FREM3: variants seen among roughly 807,000 people sequenced by gnomAD.
FREM3 encodes the protein FRAS1-related extracellular matrix protein 3.
Under a neutral mutation model 129.1 loss-of-function variants are expected in FREM3, and 105 were observed. That is an observed-to-expected ratio of 0.81 (90% CI 0.69 to 0.96). The LOEUF is 0.96. Ranked by LOEUF, FREM3 falls within the 40% of genes least tolerant of loss-of-function variation. The pLI, the probability that FREM3 is intolerant of heterozygous loss-of-function variation, is 0.00. For synonymous variants in FREM3, 1,014 were observed against 1,044.9 expected (o/e 0.97, Z 0.57); for missense variants, 2,593 against 2,666.3 (o/e 0.97, Z 0.61).
intron 2 of FREM3, among the ~76,000 whole-genome samples, chr4:143,650,244 T>C (rs1560857595): frequency 6.6e-6 from 1 of 152,202 alleles, no homozygotes. Flanking sequence ...AGCCATGTTG[T>C]TTTGCCTGAA....
chr4:143,618,923 C>A (rs531340039), intron 5 of FREM3, among the ~76,000 whole-genome samples: 2 of 152,152 alleles, frequency 1.3e-5, no homozygotes, highest in South Asian at 4.2e-4. Flanking sequence ...TACCAAGAAA[C>A]CAACAACAAA....
At chr4:143,601,963 A>G (rs563599161) in intron 6 of FREM3, 11 of 149,246 alleles carry the variant, frequency 7.4e-5, no homozygotes, top group African/African-American at 1.7e-4. Context: ...CTCCATCTGG[A>G]AAAAAAAAAG....
At chr4:143,661,116 C>T (rs1362491794) in intron 2 of FREM3, among the ~76,000 whole-genome samples, 1 of 152,176 alleles carries the variant, frequency 6.6e-6, no homozygotes, top group Admixed American at 6.5e-5. Flanking sequence ...ATTTCCAACA[C>T]TATGTTGAAT....
chr4:143,599,343 A>G (rs780253944), intron 6 of FREM3, among the ~76,000 whole-genome samples: 1 of 152,184 alleles, frequency 6.6e-6, no homozygotes, highest in Non-Finnish European at 1.5e-5. Context: ...GAATCTGGAA[A>G]TAATAGGCTT....
chr4:143,635,572 A>G (rs1370332353), intron 2 of FREM3, among the ~76,000 whole-genome samples: 2 of 152,186 alleles, frequency 1.3e-5, no homozygotes, highest in South Asian at 2.1e-4. Flanking sequence ...ATCTTCGGAC[A>G]TTGCCAAATG....
At chr4:143,616,562 G>A (rs2149840267) in intron 5 of FREM3, among the ~76,000 whole-genome samples, 1 of 152,186 alleles carries the variant, frequency 6.6e-6, no homozygotes, top group African/African-American at 2.4e-5. Context: ...CGAGGCGGAC[G>A]GATCACGAGG....
chr4:143,660,985 T>A (rs371643003), intron 2 of FREM3, among the ~76,000 whole-genome samples: 1 of 151,888 alleles, frequency 6.6e-6, no homozygotes, highest in Non-Finnish European at 1.5e-5. Context: ...AGATTTTGGG[T>A]TGAGACAATG....
chr4:143,621,728 TTG>T (rs1036372907), intron 4 of FREM3, among the ~76,000 whole-genome samples: 2 of 151,740 alleles, frequency 1.3e-5, no homozygotes, highest in African/African-American at 2.4e-5. Flanking sequence ...GCACACACGT[TTG>T]TGTGTGTGTG....
chr4:143,699,549 A>G lies in FREM3; in HGVS notation c.1127T>C (p.Phe376Ser), dbSNP rs1408734698. 1 of 1,536,998 alleles carries G rather than the reference A, an allele frequency of 6.5e-7. No homozygotes were observed. The highest frequency in any genetic ancestry group is 8.7e-7 in the Non-Finnish European group (1 of 1,146,846). The change falls in exon 1 of 8, where the codon TTC becomes TCC. Residue 376 changes from phenylalanine to serine, a missense_variant. Phe to Ser is a radical substitution (Grantham distance 155). Coordinates refer to ENST00000329798, the MANE Select transcript of FREM3 (RefSeq NM_001168235.2). This position sits in a 1 kb window ranked among gnomAD's most constrained non-coding sequence, Gnocchi z 4.2. Reference sequence around the variant, plus strand: ...CTCCCTCAGCTCCTGCTGGGTGAAGAAGGAGACTGGAAGCCCTAGAGGGTC... The same window carrying G: ...CTCCCTCAGCTCCTGCTGGGTGAAGGAGGAGACTGGAAGCCCTAGAGGGTC... ...TDDPLGLPVS[F>S]FTQQELRELK...
chr4:143,594,129 C>T (rs911445730), intron 6 of FREM3, among the ~76,000 whole-genome samples: 1 of 152,188 alleles, frequency 6.6e-6, no homozygotes, highest in African/African-American at 2.4e-5. Context: ...CGTCTGTCAC[C>T]CCTTTCTTTG....
intron 2 of FREM3, among the ~76,000 whole-genome samples, chr4:143,657,630 T>C (rs554967430): frequency 4.6e-5 from 7 of 152,326 alleles, no homozygotes; most frequent in Admixed American, 4.6e-4. Flanking sequence ...AGTTGTACAG[T>C]GGTTAACAGT....
At position 143,585,593 on chromosome 4, in the gene FREM3, T is replaced by C. The variant is rs1738226714; in HGVS notation, c.6178+251A>G. ...AGGTATCTATAAATATTCTGAACTTTGGAAAAATTAATGTGAGCCCATGAC... is the reference window on the plus strand; with the variant it reads ...AGGTATCTATAAATATTCTGAACTTCGGAAAAATTAATGTGAGCCCATGAC... On this transcript the variant is annotated intron_variant, in intron 7 of 7. Transcript: ENST00000329798. The surrounding 1 kb of genome is among the most constrained non-coding windows in gnomAD (Gnocchi z 4.2). Among the ~76,000 whole-genome samples, 1 of 152,134 alleles carries C rather than the reference T, an allele frequency of 6.6e-6. No individual in the cohort carries two copies. Among genetic ancestry groups the C allele is most frequent in the Admixed American group, 6.5e-5 (1 of 15,270 alleles).
intron 6 of FREM3, among the ~76,000 whole-genome samples, chr4:143,592,057 T>G (rs1055831809): frequency 4.6e-5 from 7 of 152,236 alleles, no homozygotes; most frequent in Non-Finnish European, 8.8e-5. Context: ...AGACTAGGAT[T>G]GCAACCCCTG....
At position 143,700,083 on chromosome 4, in the gene FREM3, A is replaced by G. The variant is rs1449806835; in HGVS notation, c.593T>C (p.Leu198Pro). Residue 198 changes from leucine to proline, a missense_variant, in exon 1 of 8, where the codon CTG becomes CCG. Physicochemically the swap from Leu to Pro is moderately conservative, Grantham distance 98 (BLOSUM62 -3). Transcript: ENST00000329798. Reference protein sequence around the residue: ...IDRRVLDFASLKSGATATRRC... With the variant: ...IDRRVLDFASPKSGATATRRC... The stretch of plus-strand genomic sequence containing the variant: ...GCGGGTGGCCGTGGCTCCAGACTTC[A>G]GGGAGGCGAAGTCCAGCACTCTCCT... 3 of 1,532,222 alleles carry G rather than the reference A, an allele frequency of 2.0e-6. No homozygotes were observed. Among genetic ancestry groups the G allele is most frequent in the Admixed American group, 2.0e-5 (1 of 50,866 alleles). The allele number at this position is 1,532,222 out of a possible 1,614,324, so 94.9% of individuals were successfully genotyped here. A position where few individuals can be genotyped will look rare whatever the true frequency, so the allele number is the denominator to read the frequency against.
At chr4:143,658,719 G>A (rs1374521111) in intron 2 of FREM3, among the ~76,000 whole-genome samples, 2 of 152,306 alleles carry the variant, frequency 1.3e-5, no homozygotes, top group African/African-American at 4.8e-5. Context: ...TTTCTTTTAA[G>A]CTCATCAGCT....
chr4:143,656,153 G>A (rs1739597330), intron 2 of FREM3, among the ~76,000 whole-genome samples: 1 of 152,062 alleles, frequency 6.6e-6, no homozygotes. Flanking sequence ...AAACACCCAA[G>A]CCTAAACATG....
intron 3 of FREM3, among the ~76,000 whole-genome samples, chr4:143,624,694 T>C (rs187076950): frequency 2.6e-5 from 4 of 152,272 alleles, no homozygotes; most frequent in Non-Finnish European, 1.5e-5. Flanking sequence ...CCCAGAAAGT[T>C]CATAGTCTCA....
At chr4:143,621,271 A>G (rs1182922456) in intron 4 of FREM3, 109 bp from the exon 5 acceptor site, 11 of 980,766 alleles carry the variant, frequency 1.1e-5, no homozygotes, top group Admixed American at 2.5e-5. Context: ...ATTTTCCAAC[A>G]TGATTAACTG....
chr4:143,662,732 G>T (rs1739760733), intron 2 of FREM3, among the ~76,000 whole-genome samples: 1 of 151,920 alleles, frequency 6.6e-6, no homozygotes, highest in South Asian at 2.1e-4. Flanking sequence ...CTCTTTATAG[G>T]TCACTCAGGA....
Sources: allele counts gnomAD v4.1 joint callset (sites outside exome capture counted in the v4.1 genomes callset), GRCh38; gene constraint gnomAD v4.1.1; non-coding constraint Gnocchi (gnomAD v3.1); transcripts MANE v1.5; gene names NCBI Gene and HGNC (gene_info 2026-07-23, HGNC 2026-07-21).